ADGRL3: variants seen among roughly 807,000 people sequenced by gnomAD.
ADGRL3 encodes adhesion G protein-coupled receptor L3.
ADGRL3 carries 62 observed loss-of-function variants against 153.5 expected under a neutral mutation model. That is an observed-to-expected ratio of 0.40 (90% CI 0.33 to 0.50). The LOEUF is 0.50. Ranked by LOEUF, ADGRL3 falls within the 20% of genes least tolerant of loss-of-function variation. The probability of loss-of-function intolerance (pLI) is 0.47; values close to 1 mark genes in which losing one functional copy is unlikely to be tolerated. For missense variants in ADGRL3, 1,641 were observed against 1,859.4 expected (o/e 0.88, Z 2.16); for synonymous variants, 710 against 672.5 (o/e 1.06, Z -0.86).
intron 1 of ADGRL3, among the ~76,000 whole-genome samples, chr4:61,239,183 A>G (rs1471252845): frequency 2.0e-5 from 3 of 152,146 alleles, no homozygotes; most frequent in African/African-American, 7.2e-5. Context: ...TGGTTAGGAG[A>G]GTCAAAGCAT....
At chr4:61,993,726 A>ACT (rs1235614582) in intron 19 of ADGRL3, among the ~76,000 whole-genome samples, 2 of 147,650 alleles carry the variant, frequency 1.4e-5, no homozygotes, top group Admixed American at 1.4e-4. Flanking sequence ...GCTCTTTTTC[A>ACT]CTCTCTCTCA....
intron 2 of ADGRL3, among the ~76,000 whole-genome samples, chr4:61,485,422 A>G (rs1450394258): frequency 6.6e-6 from 1 of 152,184 alleles, no homozygotes; most frequent in African/African-American, 2.4e-5. Flanking sequence ...ATTATTTTAC[A>G]GTAATCTTTT....
chr4:61,694,399 T>C (rs557804558), intron 6 of ADGRL3, among the ~76,000 whole-genome samples: 13 of 152,140 alleles, frequency 8.5e-5, no homozygotes, highest in Admixed American at 6.5e-4. Flanking sequence ...AAAGGACATA[T>C]TACAATAAAG....
rs1049246329 is a variant in ADGRL3, at chr4:61,372,028, C to G, written c.-239-11096C>G. 4.6e-3 allele frequency among the ~76,000 whole-genome samples: 699 copies of G among 152,268 alleles called. 6 individuals are homozygous for G. The highest frequency in any genetic ancestry group is 0.016 in the African/African-American group (668 of 41,530). On this transcript the variant is annotated intron_variant, in intron 1 of 26. Coordinates refer to ENST00000683033, the MANE Select transcript of ADGRL3 (RefSeq NM_001387552.1). The stretch of plus-strand genomic sequence containing the variant: ...TTTCTCCAGTTGATGGTATCGGCTC[C>G]TGAGGCTTCTGCATTCTTCACGTAG...
intron 2 of ADGRL3, among the ~76,000 whole-genome samples, chr4:61,476,333 T>A (rs2098051638): frequency 6.6e-6 from 1 of 151,804 alleles, no homozygotes; most frequent in Admixed American, 6.6e-5. Flanking sequence ...GTTCAAGCAA[T>A]TCTCATGCCT....
At chr4:61,642,822 A>G (rs1396455274) in intron 5 of ADGRL3, among the ~76,000 whole-genome samples, 1 of 152,078 alleles carries the variant, frequency 6.6e-6, no homozygotes, top group Non-Finnish European at 1.5e-5. Context: ...CAATTCTGTG[A>G]AGAAAGTCAT....
chr4:61,798,663 G>T (rs1383237289), intron 8 of ADGRL3, among the ~76,000 whole-genome samples: 1 of 151,402 alleles, frequency 6.6e-6, no homozygotes, highest in Non-Finnish European at 1.5e-5. Flanking sequence ...TATCGCTCAG[G>T]CTGGAGTGCA....
chr4:61,605,654 A>G (rs1472857103), intron 5 of ADGRL3, among the ~76,000 whole-genome samples: 1 of 152,192 alleles, frequency 6.6e-6, no homozygotes, highest in African/African-American at 2.4e-5. Flanking sequence ...TATAAGAGAA[A>G]CCAAAATGCT....
chr4:61,681,230 C>T (rs1443845308), intron 6 of ADGRL3, among the ~76,000 whole-genome samples: 4 of 152,098 alleles, frequency 2.6e-5, no homozygotes, highest in African/African-American at 9.7e-5. Context: ...GGCAATAAAA[C>T]AACTAACCAC....
intron 21 of ADGRL3, among the ~76,000 whole-genome samples, chr4:61,999,343 C>CA (rs1453427819): frequency 4.6e-5 from 7 of 151,548 alleles, no homozygotes; most frequent in African/African-American, 1.2e-4. Flanking sequence ...TTTACACAGG[C>CA]AAAAAAAGTA....
chr4:61,800,765 T>A (rs538403196), intron 8 of ADGRL3, among the ~76,000 whole-genome samples: 1 of 152,362 alleles, frequency 6.6e-6, no homozygotes, highest in South Asian at 2.1e-4. Context: ...CAGAATCAAT[T>A]ACAGGCCATC....
chr4:61,939,856 T>C lies in ADGRL3; in HGVS notation c.2419+3811T>C, dbSNP rs186427680. ...CAATTCGTTAACCTGACAAAATATT[T>C]TTAAGACTCACTGATGATGTTCCAC... On this transcript the variant is annotated intron_variant, in intron 15 of 26. Coordinates refer to ENST00000683033, the MANE Select transcript of ADGRL3 (RefSeq NM_001387552.1). 3.8e-3 allele frequency among the ~76,000 whole-genome samples: 572 copies of C among 152,312 alleles called. 6 individuals are homozygous for C. Among genetic ancestry groups the C allele is most frequent in the African/African-American group, 0.013 (548 of 41,566 alleles).
chr4:61,397,794 A>G (rs2096885629), intron 2 of ADGRL3, among the ~76,000 whole-genome samples: 1 of 151,900 alleles, frequency 6.6e-6, no homozygotes, highest in African/African-American at 2.4e-5. Context: ...ACTAAGAATC[A>G]TTTCTCCAAA....
At chr4:62,031,729 C>G in intron 23 of ADGRL3, 119 bp downstream of exon 23, 1 of 690,826 alleles carries the variant, frequency 1.4e-6, no homozygotes, top group Non-Finnish European at 2.3e-6. Flanking sequence ...TAAAGATACT[C>G]ATCATTTATA....
At chr4:61,793,378 C>T (rs578234887) in intron 8 of ADGRL3, among the ~76,000 whole-genome samples, 2 of 152,206 alleles carry the variant, frequency 1.3e-5, no homozygotes, top group African/African-American at 2.4e-5. Flanking sequence ...GAGCCAACAT[C>T]GCCCACTGCA....
At chr4:61,909,415 G>T in intron 11 of ADGRL3, 145 bp from the exon 12 acceptor site, 1 of 569,548 alleles carries the variant, frequency 1.8e-6, no homozygotes, top group South Asian at 2.7e-5. Context: ...GAAAAATTGG[G>T]GAGTGTATTC....
intron 6 of ADGRL3, among the ~76,000 whole-genome samples, chr4:61,715,328 C>T (rs757183470): frequency 2.0e-5 from 3 of 152,080 alleles, no homozygotes; most frequent in East Asian, 1.9e-4. Flanking sequence ...AGGCTGAAAA[C>T]GTCATGGTGA....
chr4:61,340,826 T>TTG (rs1276038714), intron 1 of ADGRL3, among the ~76,000 whole-genome samples: 1 of 150,092 alleles, frequency 6.7e-6, no homozygotes, highest in Admixed American at 6.7e-5. Flanking sequence ...GTGTGTGTGT[T>TTG]TGTGTATATA....
intron 9 of ADGRL3, among the ~76,000 whole-genome samples, chr4:61,827,831 T>C (rs1581027956): frequency 2.0e-5 from 3 of 152,172 alleles, no homozygotes; most frequent in African/African-American, 7.2e-5. Flanking sequence ...GATCACCCAT[T>C]ATTGATTCTT....
Sources: gnomAD v4.1 joint callset for allele counts (sites outside exome capture counted in the v4.1 genomes callset) on GRCh38, gnomAD v4.1.1 for gene constraint, MANE v1.5 for transcripts, NCBI Gene and HGNC (gene_info 2026-07-23, HGNC 2026-07-21) for gene names.